Variants in TOR1AIP1 observed in about 807,000 individuals in gnomAD.
TOR1AIP1 encodes the protein torsin 1A interacting protein 1, also known as torsin-1A-interacting protein 1.
A neutral mutation model predicts 63.3 loss-of-function variants in TOR1AIP1; 54 were observed. That is an observed-to-expected ratio of 0.85 (90% CI 0.69 to 1.07). The LOEUF is 1.07. Among genes scored for constraint, TOR1AIP1 ranks in the 50% least tolerant of loss-of-function variants. The probability of loss-of-function intolerance (pLI) is 0.00; values close to 1 mark genes in which losing one functional copy is unlikely to be tolerated. For synonymous variants in TOR1AIP1, 294 were observed against 273.5 expected (o/e 1.07, Z -0.74); for missense variants, 736 against 715.0 (o/e 1.03, Z -0.33).
chr1:179,882,721 G>C lies in TOR1AIP1; in HGVS notation c.219G>C (p.Leu73=). 6.2e-7 allele frequency: 1 copy of C among 1,613,822 alleles called. No homozygotes were observed. ...AAGTGTACGGCGACTTCGAGCCCCTGGTGGCCAAAGAAAGGTCCCCGGTGG... is the reference window on the plus strand; with the variant it reads ...AAGTGTACGGCGACTTCGAGCCCCTCGTGGCCAAAGAAAGGTCCCCGGTGG... ...PPEVYGDFEP[L]VAKERSPVGK... Residue 73 remains leucine, a synonymous_variant, in exon 1 of 10, where the codon CTG becomes CTC. Coordinates refer to ENST00000606911, the MANE Select transcript of TOR1AIP1 (RefSeq NM_015602.4).
At chr1:179,909,225 G>C (rs1453910403) in intron 8 of TOR1AIP1, among the ~76,000 whole-genome samples, 1 of 152,006 alleles carries the variant, frequency 6.6e-6, no homozygotes, top group Admixed American at 6.6e-5. Context: ...AGTTATAGCA[G>C]CAATACAGTC....
chr1:179,912,283 G>T (rs965906731), intron 8 of TOR1AIP1, among the ~76,000 whole-genome samples: 1 of 152,026 alleles, frequency 6.6e-6, no homozygotes. Flanking sequence ...ACCTCCCAAA[G>T]TGTTGGGATT....
chr1:179,910,537 A>G (rs1648800930), intron 8 of TOR1AIP1, among the ~76,000 whole-genome samples: 1 of 152,132 alleles, frequency 6.6e-6, no homozygotes, highest in Non-Finnish European at 1.5e-5. Flanking sequence ...GTCATTTCTT[A>G]TTGCTGTGAT....
rs548260560 is a variant in TOR1AIP1 at position 179,901,241 on chromosome 1, A to T, written c.653-61A>T. On this transcript the variant is annotated intron_variant, in intron 4 of 9. Coordinates refer to ENST00000606911, the MANE Select transcript of TOR1AIP1 (RefSeq NM_015602.4). ...GTTAAATTATTTGCTTGGTTTTTTT[A>T]AATTCAGATCTTCTGAGCATTAAAA... The T allele has an allele frequency of 5.1e-5, 59 of 1,155,124 alleles. 1 individual carries two copies. In the South Asian group the frequency reaches 1.0e-3, roughly 20 times the overall value. The allele number at this position is 1,155,124 out of a possible 1,614,324, so 71.6% of individuals were successfully genotyped here. A position where few individuals can be genotyped will look rare whatever the true frequency, so the allele number is the denominator to read the frequency against.
At chr1:179,911,430 G>A (rs373994014) in intron 8 of TOR1AIP1, among the ~76,000 whole-genome samples, 9 of 152,218 alleles carry the variant, frequency 5.9e-5, no homozygotes, top group South Asian at 2.1e-4. Flanking sequence ...GTCACCCGAC[G>A]TTAGCAACAG....
chr1:179,893,824 C>A (rs1471421801), intron 3 of TOR1AIP1, among the ~76,000 whole-genome samples: 1 of 152,124 alleles, frequency 6.6e-6, no homozygotes. Flanking sequence ...TTAATCAGCC[C>A]ATGAACTAAG....
rs142308324 is a variant in TOR1AIP1, at chr1:179,899,089, A to C, written c.611-1037A>C. 5.2e-3 allele frequency among the ~76,000 whole-genome samples: 798 copies of C among 152,272 alleles called. 7 individuals carry two copies. The highest frequency in any genetic ancestry group is 0.017 in the African/African-American group (702 of 41,558). ...AATGTGTTAGCAGTTGCTTTCTATA[A>C]TACTATTGTCCCTTTTAATAAGCAA... On this transcript the variant is annotated intron_variant, in intron 3 of 9. Coordinates refer to ENST00000606911, the MANE Select transcript of TOR1AIP1 (RefSeq NM_015602.4).
chr1:179,913,556 A>G (rs1458593737), intron 8 of TOR1AIP1: 1 of 702,290 alleles, frequency 1.4e-6, no homozygotes, highest in South Asian at 1.5e-5. Context: ...TGTAATCCAC[A>G]TTTTGTCCTT....
chr1:179,897,494 G>A (rs1055926146), intron 3 of TOR1AIP1, among the ~76,000 whole-genome samples: 3 of 151,718 alleles, frequency 2.0e-5, no homozygotes, highest in African/African-American at 4.8e-5. Context: ...CATACCTATC[G>A]AAAAAAGGGA....
At chr1:179,908,338 A>G (rs1648718696) in intron 7 of TOR1AIP1, among the ~76,000 whole-genome samples, 1 of 152,186 alleles carries the variant, frequency 6.6e-6, no homozygotes, top group East Asian at 1.9e-4. Flanking sequence ...ACTCTGTGAT[A>G]TGGAAATGTG....
In TOR1AIP1 at chr1:179,917,912, A is replaced by G; in HGVS notation, c.1425A>G (p.Ala475=). Residue 475 remains alanine, a synonymous_variant, in exon 10 of 10, where the codon GCA becomes GCG. Coordinates refer to ENST00000606911, the MANE Select transcript of TOR1AIP1 (RefSeq NM_015602.4). The part of the protein sequence containing the change: ...LSNGFKNGQN[A]AVVHRFESFP... Reference sequence around the variant, plus strand: ...ATGGATTTAAGAATGGCCAGAATGCAGCTGTGGTACACCGCTTTGAGTCAT... The same window carrying G: ...ATGGATTTAAGAATGGCCAGAATGCGGCTGTGGTACACCGCTTTGAGTCAT... The G allele has an allele frequency of 6.2e-7, 1 of 1,614,252 alleles. No homozygotes were observed. Among genetic ancestry groups the G allele is most frequent in the Non-Finnish European group, 8.5e-7 (1 of 1,180,046 alleles).
At chr1:179,916,704 T>TTC (rs1411990732) in intron 9 of TOR1AIP1, among the ~76,000 whole-genome samples, 1 of 137,532 alleles carries the variant, frequency 7.3e-6, no homozygotes, top group East Asian at 2.1e-4. Context: ...CCTTTTCTTT[T>TTC]TTTTTTTTTT....
intron 3 of TOR1AIP1, among the ~76,000 whole-genome samples, chr1:179,892,907 AAAG>A (rs1447450613): frequency 6.6e-6 from 1 of 152,154 alleles, no homozygotes; most frequent in Admixed American, 6.5e-5. Flanking sequence ...TAAATTTAAA[AAAG>A]AGATTTTCAT....
chr1:179,899,724 A>C (rs1170389940), intron 3 of TOR1AIP1, among the ~76,000 whole-genome samples: 1 of 152,146 alleles, frequency 6.6e-6, no homozygotes, highest in Non-Finnish European at 1.5e-5. Context: ...GGCTCACTGC[A>C]ACCTCTGCTT....
intron 2 of TOR1AIP1, among the ~76,000 whole-genome samples, chr1:179,886,674 A>G (rs2148470764): frequency 6.6e-6 from 1 of 152,324 alleles, no homozygotes; most frequent in Non-Finnish European, 1.5e-5. Flanking sequence ...AATGTTTACC[A>G]ATATAAATGA....
Position 179,918,139 on chromosome 1 carries a change from A to G in TOR1AIP1, c.1652A>G (p.His551Arg). The G allele has an allele frequency of 6.2e-7, 1 of 1,613,818 alleles. No individual in the cohort carries two copies. Reference protein sequence around the residue: ...TNSNTPNSYNHMDPDKLNGLW... With the variant: ...TNSNTPNSYNRMDPDKLNGLW... ...TCTAACACACCCAACTCCTACAATC[A>G]TATGGACCCAGACAAACTGAATGGC... Residue 551 changes from histidine (H) to arginine (R), a missense_variant, in exon 10 of 10, where the codon CAT becomes CGT. Coordinates refer to ENST00000606911, the MANE Select transcript of TOR1AIP1 (RefSeq NM_015602.4).
Position 179,907,884 on chromosome 1 carries a change from C to A in TOR1AIP1, c.838+20C>A. ...TGCTAAGTAAGTAGTTGGTTGTCTG[C>A]TCTTTTTTCAGCCAATCAATTCTTT... On this transcript the variant is annotated intron_variant, in intron 7 of 9. Coordinates refer to ENST00000606911, the MANE Select transcript of TOR1AIP1 (RefSeq NM_015602.4). 7.0e-7 allele frequency: 1 copy of A among 1,430,824 alleles called. No homozygotes were observed. Among genetic ancestry groups the A allele is most frequent in the Non-Finnish European group, 9.5e-7 (1 of 1,051,300 alleles). The allele number at this position is 1,430,824 out of a possible 1,614,324, so 88.6% of individuals were successfully genotyped here. A position where few individuals can be genotyped will look rare whatever the true frequency, so the allele number is the denominator to read the frequency against.
chr1:179,907,468 TGA>T (rs954205493), intron 6 of TOR1AIP1, among the ~76,000 whole-genome samples: 3 of 150,398 alleles, frequency 2.0e-5, no homozygotes, highest in Admixed American at 6.6e-5. Context: ...AAATTATACT[TGA>T]TATATATGAC....
In TOR1AIP1 at chr1:179,916,102, T is replaced by C. The variant is rs560708797; in HGVS notation, c.965-1350T>C. The stretch of plus-strand genomic sequence containing the variant: ...TTAATAAGATAAATAATTAACTGCT[T>C]CATAAAGGACATTCTTAAGTAAAAG... On this transcript the variant is annotated intron_variant, in intron 9 of 9. Transcript: ENST00000606911. Among the ~76,000 whole-genome samples the C allele has an allele frequency of 4.6e-5, 7 of 152,302 alleles. No homozygotes were observed. In the East Asian group the frequency reaches 1.3e-3, roughly 29 times the overall value.
Sources: allele counts gnomAD v4.1 joint callset (sites outside exome capture counted in the v4.1 genomes callset), GRCh38; gene constraint gnomAD v4.1.1; transcripts MANE v1.5; gene names NCBI Gene and HGNC (gene_info 2026-07-23, HGNC 2026-07-21).